Variants in ASTN1 observed in about 807,000 individuals in gnomAD.
The protein encoded by ASTN1 is astrotactin 1.
A neutral mutation model predicts 140.7 loss-of-function variants in ASTN1; 41 were observed. The ratio of observed to expected loss-of-function variants is 0.29; its 90% CI spans 0.23 to 0.38. The LOEUF is 0.38. Ranked by LOEUF, ASTN1 falls within the 10% of genes least tolerant of loss-of-function variation. The probability of loss-of-function intolerance (pLI) is 1.00; values close to 1 mark genes in which losing one functional copy is unlikely to be tolerated. For synonymous variants in ASTN1, 640 were observed against 652.2 expected (o/e 0.98, Z 0.29); for missense variants, 1,479 against 1,678.8 (o/e 0.88, Z 2.08).
At chr1:177,094,004 C>T (rs998472486) in intron 1 of ASTN1, among the ~76,000 whole-genome samples, 3 of 152,108 alleles carry the variant, frequency 2.0e-5, no homozygotes, top group Admixed American at 6.6e-5. Flanking sequence ...TATAGAAATG[C>T]CCTGCCAAAA....
At chr1:176,954,822 G>C (rs1033207421) in intron 11 of ASTN1, among the ~76,000 whole-genome samples, 2 of 152,198 alleles carry the variant, frequency 1.3e-5, no homozygotes, top group Non-Finnish European at 2.9e-5. Context: ...ACTGTGGTTT[G>C]TACAGGTCTG....
chr1:176,887,662 G>T (rs1055139663), intron 18 of ASTN1, among the ~76,000 whole-genome samples: 10 of 152,100 alleles, frequency 6.6e-5, no homozygotes, highest in African/African-American at 2.4e-4. Flanking sequence ...AGTGTTCAAT[G>T]AGTGGTTATG....
intron 2 of ASTN1, among the ~76,000 whole-genome samples, chr1:177,049,788 T>C (rs752780837): frequency 2.0e-5 from 3 of 152,156 alleles, no homozygotes; most frequent in Non-Finnish European, 4.4e-5. Flanking sequence ...CTGGGACCTG[T>C]TGGTGTTGCC....
At chr1:177,030,758 C>T (rs770130232) in intron 4 of ASTN1, 48 bp downstream of exon 4, 3 of 1,609,532 alleles carry the variant, frequency 1.9e-6, no homozygotes, top group Non-Finnish European at 2.6e-6. Context: ...CCTGCCTCTA[C>T]CAATATGAAG....
At chr1:177,041,303 C>T (rs1676958066) in intron 2 of ASTN1, among the ~76,000 whole-genome samples, 1 of 152,236 alleles carries the variant, frequency 6.6e-6, no homozygotes, top group Admixed American at 6.5e-5. Flanking sequence ...CCCCAATCAG[C>T]ATCATGTGTT....
rs1270437387 is a variant in ASTN1 at position 176,862,100 on chromosome 1, G to A, written c.*2184C>T. On this transcript the variant is annotated 3_prime_UTR_variant, in exon 23 of 23. Coordinates refer to ENST00000361833, the MANE Select transcript of ASTN1 (RefSeq NM_004319.3). ...AGATGCTCTGGGCCCTGTCTGATTG[G>A]CCTGTCACATCTTCTCTGGCAATGG... 2.0e-6 allele frequency: 2 copies of A among 985,292 alleles called. No homozygotes were observed. The highest frequency in any genetic ancestry group is 1.7e-5 in the African/African-American group (1 of 57,230). The allele number at this position is 985,292 out of a possible 1,614,324, so 61.0% of individuals were successfully genotyped here.
Position 177,024,643 on chromosome 1 carries a change from C to T in ASTN1, c.1210G>A (p.Val404Ile), listed in dbSNP as rs140196066. 63 of 1,613,834 alleles carry T rather than the reference C, an allele frequency of 3.9e-5. No individual in the cohort carries two copies. In the African/African-American group the frequency reaches 4.3e-4, roughly 11 times the overall value. The change falls in exon 6 of 23, where the codon GTC becomes ATC. Residue 404 changes from valine to isoleucine, a missense_variant. Physicochemically the swap from Val to Ile is conservative, Grantham distance 29. Coordinates refer to ENST00000361833, the MANE Select transcript of ASTN1 (RefSeq NM_004319.3). ...ATCTTGACAACGAGAGGGCAGTTGA[C>T]GTGAGAGGAGCACACGAGGCCAATC... Reference protein sequence around the residue: ...CVIGLVCSSHVNCPLVVKITL... With the variant: ...CVIGLVCSSHINCPLVVKITL...
intron 1 of ASTN1, among the ~76,000 whole-genome samples, chr1:177,148,910 A>G (rs1416602709): frequency 6.6e-6 from 1 of 151,350 alleles, no homozygotes; most frequent in Admixed American, 6.6e-5. Flanking sequence ...ACAAGTAAGT[A>G]GAAGTTTCTT....
intron 16 of ASTN1, among the ~76,000 whole-genome samples, chr1:176,902,384 A>G (rs1460263976): frequency 6.6e-6 from 1 of 152,206 alleles, no homozygotes; most frequent in Non-Finnish European, 1.5e-5. Flanking sequence ...CTGTAGGAAA[A>G]ATGGTATCTA....
intron 11 of ASTN1, among the ~76,000 whole-genome samples, chr1:176,956,969 C>T (rs1672434267): frequency 6.6e-6 from 1 of 152,178 alleles, no homozygotes; most frequent in Admixed American, 6.5e-5. Flanking sequence ...AAGATCATAG[C>T]TCATTGCAGC....
At chr1:177,020,228 C>T (rs924674451) in intron 7 of ASTN1, among the ~76,000 whole-genome samples, 1 of 152,088 alleles carries the variant, frequency 6.6e-6, no homozygotes, top group Non-Finnish European at 1.5e-5. Context: ...TTTTCTATTC[C>T]TACAGTAAAA....
intron 1 of ASTN1, among the ~76,000 whole-genome samples, chr1:177,084,292 T>C (rs1679321042): frequency 6.6e-6 from 1 of 152,158 alleles, no homozygotes; most frequent in African/African-American, 2.4e-5. Flanking sequence ...CTAGTTTTGC[T>C]TTACCATGAC....
At chr1:176,960,037 A>G (rs1444686443) in intron 9 of ASTN1, among the ~76,000 whole-genome samples, 1 of 152,012 alleles carries the variant, frequency 6.6e-6, no homozygotes, top group East Asian at 1.9e-4. Flanking sequence ...ACACACACAT[A>G]CACACACACA....
chr1:176,897,470 G>C (rs913033684), intron 16 of ASTN1, among the ~76,000 whole-genome samples: 13 of 152,006 alleles, frequency 8.6e-5, no homozygotes, highest in African/African-American at 2.4e-4. Context: ...CTGACCCGCA[G>C]CCCTCCTTGT....
intron 8 of ASTN1, among the ~76,000 whole-genome samples, chr1:177,008,520 A>G (rs1675114053): frequency 6.7e-6 from 1 of 149,746 alleles, no homozygotes; most frequent in South Asian, 2.2e-4. Flanking sequence ...AGCGGGAGAT[A>G]GGAAGAGGGA....
chr1:177,020,602 T>C (rs1675775139), intron 7 of ASTN1, among the ~76,000 whole-genome samples: 1 of 152,228 alleles, frequency 6.6e-6, no homozygotes, highest in Non-Finnish European at 1.5e-5. Context: ...GCCAGTTGTT[T>C]AGCAACCTCC....
At chr1:176,922,729 C>T (rs1246449234) in intron 16 of ASTN1, among the ~76,000 whole-genome samples, 2 of 152,086 alleles carry the variant, frequency 1.3e-5, no homozygotes, top group Non-Finnish European at 2.9e-5. Context: ...CCACTAACCA[C>T]AAGTTAGTAG....
chr1:177,085,829 T>C (rs945202092), intron 1 of ASTN1, among the ~76,000 whole-genome samples: 9 of 152,174 alleles, frequency 5.9e-5, no homozygotes, highest in African/African-American at 2.2e-4. Flanking sequence ...GTTCGTACTT[T>C]CTTGGAGGCT....
chr1:176,994,237 T>C (rs1558017274), intron 8 of ASTN1, among the ~76,000 whole-genome samples: 2 of 152,158 alleles, frequency 1.3e-5, no homozygotes, highest in Non-Finnish European at 2.9e-5. Context: ...CTGTTTATAG[T>C]ACGTCCTGTG....
Sources: gnomAD v4.1 joint callset for allele counts (sites outside exome capture counted in the v4.1 genomes callset) on GRCh38, gnomAD v4.1.1 for gene constraint, MANE v1.5 for transcripts, NCBI Gene and HGNC (gene_info 2026-07-23, HGNC 2026-07-21) for gene names.